Variants in ACVR1 observed in about 807,000 individuals in gnomAD.
ACVR1 encodes the protein activin A receptor type 1.
A neutral mutation model predicts 57.1 loss-of-function variants in ACVR1; 38 were observed. The ratio of observed to expected loss-of-function variants is 0.67; its 90% CI spans 0.51 to 0.87. The LOEUF is 0.87. ACVR1 is among the 40% of genes least tolerant of loss of function. ACVR1 has a pLI of 0.00. For missense variants in ACVR1, 463 were observed against 638.2 expected, an observed-to-expected ratio of 0.73 and a Z score of 2.96; for synonymous variants, 212 against 228.1, an observed-to-expected ratio of 0.93 and a Z score of 0.63.
Position 157,738,617 on chromosome 2 carries a change from G to A in ACVR1, c.1265-47C>T, listed in dbSNP as rs763994830. On this transcript the variant is annotated intron_variant, in intron 9 of 10. Coordinates refer to ENST00000434821, the MANE Select transcript of ACVR1 (RefSeq NM_001111067.4). ...GTGTTCGGTTAGCAAGAGAGTACAG[G>A]TTGCCCCAAGGTTTCATTGATGGGT... is the stretch of plus-strand genomic sequence containing the variant. 4.3e-6 allele frequency: 7 copies of A among 1,613,512 alleles called. No individual in the cohort carries two copies. In the African/African-American group the frequency reaches 8.0e-5, roughly 18 times the overall value.
At chr2:157,865,649 G>A (rs551367031) in intron 1 of ACVR1, among the ~76,000 whole-genome samples, 21 of 151,892 alleles carry the variant, frequency 1.4e-4, no homozygotes, top group Admixed American at 1.2e-3. Flanking sequence ...AAAATTAGCC[G>A]GGCGTGGTGG....
intron 1 of ACVR1, among the ~76,000 whole-genome samples, chr2:157,822,218 A>C (rs1047617063): frequency 1.3e-5 from 2 of 152,248 alleles, no homozygotes; most frequent in Non-Finnish European, 2.9e-5. Flanking sequence ...CTTAGGAAGC[A>C]GCCAAACTCA....
chr2:157,750,000 A>G (rs1685120374), intron 9 of ACVR1, among the ~76,000 whole-genome samples: 5 of 152,178 alleles, frequency 3.3e-5, no homozygotes, highest in Admixed American at 3.3e-4. Flanking sequence ...GTGTGTGTGT[A>G]TACCTTCTGG....
intron 1 of ACVR1, among the ~76,000 whole-genome samples, chr2:157,829,953 G>T (rs1296119913): frequency 1.3e-5 from 2 of 152,182 alleles, no homozygotes; most frequent in Non-Finnish European, 2.9e-5. Context: ...AGTGGCTCAC[G>T]CCTGTAATCC....
Position 157,819,496 on chromosome 2 carries a change from CA to C in ACVR1, c.-182-938del, listed in dbSNP as rs3030654. On this transcript the variant is annotated intron_variant, in intron 1 of 10. Transcript: ENST00000434821. ...GGACAACAAGAGCGAAACTCTGTCT[CA>C]AAAAAAAAAAAAAAAAAAGTTTGAG... The C allele has an allele frequency of 3.7e-3, 477 of 127,472 alleles. 3 individuals carry two copies. The highest frequency in any genetic ancestry group is 7.4e-3 in the African/African-American group (250 of 33,602). 7.9% of individuals were successfully genotyped at this position (127,472 alleles called of 1,614,324 possible).
chr2:157,833,495 A>G (rs1688659331), intron 1 of ACVR1, among the ~76,000 whole-genome samples: 1 of 152,250 alleles, frequency 6.6e-6, no homozygotes, highest in Admixed American at 6.5e-5. Context: ...TGAGAGAGAC[A>G]TGGTAAGAAA....
chr2:157,820,651 G>A (rs1233586073), intron 1 of ACVR1, among the ~76,000 whole-genome samples: 1 of 151,302 alleles, frequency 6.6e-6, no homozygotes, highest in Non-Finnish European at 1.5e-5. Context: ...TCACTGCATG[G>A]AACTCCTTCT....
In ACVR1 at chr2:157,737,719, T is replaced by A. The variant is rs1308596138; in HGVS notation, c.1396-54A>T. 5 of 1,608,628 alleles carry A rather than the reference T, an allele frequency of 3.1e-6. No individual in the cohort carries two copies. In the Admixed American group the frequency reaches 6.7e-5, roughly 21 times the overall value. On this transcript the variant is annotated intron_variant, in intron 10 of 10. Transcript: ENST00000434821. Reference sequence around the variant, plus strand: ...TGACAAACTGGCTTTTTAATGGCCCTGGAAGCTGGGCTGATATCATGTCTA... The same window carrying A: ...TGACAAACTGGCTTTTTAATGGCCCAGGAAGCTGGGCTGATATCATGTCTA...
At chr2:157,790,816 A>G (rs1445707955) in intron 3 of ACVR1, among the ~76,000 whole-genome samples, 1 of 152,070 alleles carries the variant, frequency 6.6e-6, no homozygotes, top group African/African-American at 2.4e-5. Flanking sequence ...TTCACCACAC[A>G]CCACTCTTTC....
At position 157,739,163 on chromosome 2, in the gene ACVR1, T is replaced by G. The variant is rs575728613; in HGVS notation, c.1265-593A>C. The stretch of plus-strand genomic sequence containing the variant: ...TACTCATTTCCTCATTCATTCATTC[T>G]ACATGTACTGAGTACCCTCTAACTA... On this transcript the variant is annotated intron_variant, in intron 9 of 10. Transcript: ENST00000434821. Among the ~76,000 whole-genome samples, 86 of 152,368 alleles carry G rather than the reference T, an allele frequency of 5.6e-4. No homozygotes were observed. In the Middle Eastern group the frequency reaches 0.014, roughly 24 times the overall value.
intron 1 of ACVR1, among the ~76,000 whole-genome samples, chr2:157,844,105 G>GA (rs1215092315): frequency 7.9e-5 from 12 of 152,318 alleles, no homozygotes; most frequent in African/African-American, 2.6e-4. Context: ...AAGACATTGT[G>GA]AAACCATCAT....
At chr2:157,830,794 G>A (rs1216735808) in intron 1 of ACVR1, among the ~76,000 whole-genome samples, 1 of 151,790 alleles carries the variant, frequency 6.6e-6, no homozygotes. Flanking sequence ...TGGTCACTTG[G>A]ACTCATGCCC....
intron 8 of ACVR1, among the ~76,000 whole-genome samples, chr2:157,761,550 A>G (rs551852358): frequency 4.6e-5 from 7 of 152,374 alleles, no homozygotes; most frequent in African/African-American, 1.7e-4. Flanking sequence ...GCAGATTGCT[A>G]TAAGCACTGC....
At chr2:157,738,640 G>A in intron 9 of ACVR1, 70 bp from the exon 10 acceptor site, 1 of 1,605,546 alleles carries the variant, frequency 6.2e-7, no homozygotes, top group South Asian at 1.1e-5. Flanking sequence ...TTCATTGATG[G>A]GTGTCACAGG....
intron 3 of ACVR1, among the ~76,000 whole-genome samples, chr2:157,791,811 C>A (rs1403062144): frequency 6.6e-6 from 1 of 152,176 alleles, no homozygotes; most frequent in Non-Finnish European, 1.5e-5. Context: ...TGATCCTAAC[C>A]CTCTGCAAAA....
Position 157,736,688 on chromosome 2 carries a change from GA to G in ACVR1, c.*842del, listed in dbSNP as rs549730791. On this transcript the variant is annotated 3_prime_UTR_variant, in exon 11 of 11. Coordinates refer to ENST00000434821, the MANE Select transcript of ACVR1 (RefSeq NM_001111067.4). ...GCTAAATACGTTCTGCATATGAACT[GA>G]AAAAAAGTTACAGTCTACACACATA... 19 of 329,954 alleles carry G rather than the reference GA, an allele frequency of 5.8e-5. No individual in the cohort carries two copies. The highest frequency in any genetic ancestry group is 1.4e-4 in the South Asian group (1 of 6,966). 20.4% of individuals were successfully genotyped at this position (329,954 alleles called of 1,614,324 possible).
chr2:157,857,681 T>C (rs751060733), intron 1 of ACVR1, among the ~76,000 whole-genome samples: 7 of 152,208 alleles, frequency 4.6e-5, no homozygotes, highest in Non-Finnish European at 8.8e-5. Context: ...GTACCACATA[T>C]AGACAAAGGC....
At chr2:157,787,538 A>G (rs17189978) in intron 3 of ACVR1, among the ~76,000 whole-genome samples, 95,249 of 152,088 alleles carry the variant, frequency 0.63, 36,192 homozygotes, top group East Asian at 0.91. Context: ...AGGAACAGGG[A>G]AGAAAGTCCC....
At chr2:157,873,010 T>G (rs1690162074) in intron 1 of ACVR1, among the ~76,000 whole-genome samples, 1 of 152,364 alleles carries the variant, frequency 6.6e-6, no homozygotes, top group Middle Eastern at 3.4e-3. Context: ...CTCCTATTCC[T>G]AACAAGTGAG....
Sources: allele counts gnomAD v4.1 joint callset (sites outside exome capture counted in the v4.1 genomes callset), GRCh38; gene constraint gnomAD v4.1.1; transcripts MANE v1.5; gene names NCBI Gene and HGNC (gene_info 2026-07-23, HGNC 2026-07-21).